C8orf34: variants seen among roughly 807,000 people sequenced by gnomAD.
C8orf34 encodes the protein chromosome 8 open reading frame 34.
C8orf34 carries 65 observed loss-of-function variants against 68.3 expected under a neutral mutation model. The observed-to-expected ratio is 0.95, with a 90% CI of 0.78 to 1.17. C8orf34 has a LOEUF of 1.17. C8orf34 is among the 50% of genes most tolerant of loss of function. The pLI is 0.00. For missense variants in C8orf34, 664 were observed against 655.4 expected (o/e 1.01, Z -0.14); for synonymous variants, 244 against 241.2 (o/e 1.01, Z -0.11).
intron 10 of C8orf34, among the ~76,000 whole-genome samples, chr8:68,741,129 G>C (rs1292422689): frequency 1.3e-5 from 2 of 152,050 alleles, no homozygotes; most frequent in East Asian, 3.9e-4. Flanking sequence ...TGGGTACTGG[G>C]CTGAATAGCT....
chr8:68,458,702 G>T (rs1233884763), intron 3 of C8orf34, among the ~76,000 whole-genome samples: 1 of 152,082 alleles, frequency 6.6e-6, no homozygotes, highest in East Asian at 1.9e-4. Context: ...GCTTCCCCTG[G>T]GGAATGGTCT....
chr8:68,759,424 G>T (rs116580385), intron 10 of C8orf34, among the ~76,000 whole-genome samples: 1,870 of 152,224 alleles, frequency 0.012, 31 homozygotes, highest in African/African-American at 0.039. Context: ...GTGTTTTCTT[G>T]TTTCTTCACA....
chr8:68,802,499 C>T (rs770069888), intron 12 of C8orf34, among the ~76,000 whole-genome samples: 1 of 152,122 alleles, frequency 6.6e-6, no homozygotes, highest in Non-Finnish European at 1.5e-5. Context: ...CCATTTAAAA[C>T]TTAATTACGA....
chr8:68,357,235 A>AT (rs1258670163), intron 1 of C8orf34, among the ~76,000 whole-genome samples: 2 of 152,124 alleles, frequency 1.3e-5, no homozygotes, highest in Admixed American at 6.6e-5. Flanking sequence ...TTATTGAGAC[A>AT]TTCTCTAGTA....
chr8:68,710,394 G>C (rs1237940035), intron 9 of C8orf34, among the ~76,000 whole-genome samples: 2 of 152,060 alleles, frequency 1.3e-5, no homozygotes, highest in African/African-American at 4.8e-5. Flanking sequence ...TGTTGAGGGG[G>C]CACAGTGGGT....
intron 1 of C8orf34, among the ~76,000 whole-genome samples, chr8:68,392,265 G>A (rs188817081): frequency 1.3e-5 from 2 of 151,090 alleles, no homozygotes; most frequent in African/African-American, 2.4e-5. Flanking sequence ...TTTTATTTCT[G>A]TCTATAGAGA....
At chr8:68,687,044 A>T (rs1820540048) in intron 8 of C8orf34, among the ~76,000 whole-genome samples, 1 of 152,102 alleles carries the variant, frequency 6.6e-6, no homozygotes, top group African/African-American at 2.4e-5. Flanking sequence ...AATACCTAGG[A>T]ATATACTTAA....
chr8:68,426,740 G>A (rs1362583867), intron 1 of C8orf34, among the ~76,000 whole-genome samples: 1 of 151,592 alleles, frequency 6.6e-6, no homozygotes, highest in Non-Finnish European at 1.5e-5. Flanking sequence ...GTGGTGGTGG[G>A]CACCTGCAAT....
intron 5 of C8orf34, among the ~76,000 whole-genome samples, chr8:68,491,888 T>C (rs1447707419): frequency 6.6e-6 from 1 of 152,206 alleles, no homozygotes; most frequent in African/African-American, 2.4e-5. Context: ...CAAGCTCCCA[T>C]GATTCCAATT....
At chr8:68,568,580 A>C (rs1460176684) in intron 7 of C8orf34, among the ~76,000 whole-genome samples, 1 of 152,178 alleles carries the variant, frequency 6.6e-6, no homozygotes, top group African/African-American at 2.4e-5. Flanking sequence ...AAATCTGTGA[A>C]GTGCAATAAA....
chr8:68,763,433 T>A (rs1356135129), intron 10 of C8orf34, among the ~76,000 whole-genome samples: 2 of 152,188 alleles, frequency 1.3e-5, no homozygotes, highest in Non-Finnish European at 2.9e-5. Flanking sequence ...TTCAACTGGA[T>A]CTTACTCCCT....
rs572471044 is a variant in C8orf34 at position 68,777,164 on chromosome 8, T to G, written c.1455+715T>G. On this transcript the variant is annotated intron_variant, in intron 11 of 13. Transcript: ENST00000518698. ...GATGTTAAGAACCGCCTAAAAGGAT[T>G]TTGTGGTTGCCCAAGCTCTTGGTTC... 5.3e-5 allele frequency among the ~76,000 whole-genome samples: 8 copies of G among 152,254 alleles called. No homozygotes were observed. In the South Asian group the frequency reaches 1.5e-3, roughly 28 times the overall value.
At chr8:68,743,922 C>G (rs1822388973) in intron 10 of C8orf34, among the ~76,000 whole-genome samples, 2 of 152,230 alleles carry the variant, frequency 1.3e-5, no homozygotes, top group Non-Finnish European at 2.9e-5. Flanking sequence ...GGCTCCACCT[C>G]TGGGGGCAGG....
intron 3 of C8orf34, among the ~76,000 whole-genome samples, chr8:68,461,595 G>C (rs1029643548): frequency 6.6e-6 from 1 of 152,166 alleles, no homozygotes. Flanking sequence ...CGGATCTCTC[G>C]GCAGAAACTC....
At chr8:68,718,282 C>T (rs1431929483) in intron 9 of C8orf34, among the ~76,000 whole-genome samples, 1 of 152,066 alleles carries the variant, frequency 6.6e-6, no homozygotes, top group Non-Finnish European at 1.5e-5. Context: ...AATTACTTGC[C>T]ATTAATTTTT....
At chr8:68,596,885 C>A (rs1184730801) in intron 7 of C8orf34, among the ~76,000 whole-genome samples, 1 of 152,078 alleles carries the variant, frequency 6.6e-6, no homozygotes, top group African/African-American at 2.4e-5. Context: ...ACACAAGAGA[C>A]CTACAGAGAA....
chr8:68,644,950 C>G (rs1819121586), intron 8 of C8orf34, among the ~76,000 whole-genome samples: 1 of 152,168 alleles, frequency 6.6e-6, no homozygotes, highest in Non-Finnish European at 1.5e-5. Context: ...AGAGCAAAAC[C>G]ATACATTGGA....
intron 5 of C8orf34, among the ~76,000 whole-genome samples, chr8:68,489,698 C>T (rs1344042825): frequency 6.6e-6 from 1 of 152,046 alleles, no homozygotes; most frequent in Non-Finnish European, 1.5e-5. Flanking sequence ...TTCAGATTTT[C>T]AAATTAGGGA....
chr8:68,413,931 G>C (rs1294348276), intron 1 of C8orf34, among the ~76,000 whole-genome samples: 1 of 152,168 alleles, frequency 6.6e-6, no homozygotes, highest in Non-Finnish European at 1.5e-5. Flanking sequence ...GCTCTGCAAG[G>C]TTAGACATCC....
Sources: gnomAD v4.1 joint callset for allele counts (sites outside exome capture counted in the v4.1 genomes callset) on GRCh38, gnomAD v4.1.1 for gene constraint, MANE v1.5 for transcripts, NCBI Gene and HGNC (gene_info 2026-07-23, HGNC 2026-07-21) for gene names.